The following PRKG1 variants were observed in gnomAD, a reference collection of about 807,000 sequenced individuals.
PRKG1 encodes cGMP-dependent protein kinase 1.
PRKG1 carries 35 observed loss-of-function variants against 88.1 expected under a neutral mutation model. The ratio of observed to expected loss-of-function variants is 0.40; its 90% CI spans 0.30 to 0.53. The LOEUF is 0.53. Ranked by LOEUF, PRKG1 falls within the 20% of genes least tolerant of loss-of-function variation. The pLI is 0.59. For missense variants in PRKG1, 540 were observed against 839.8 expected, an observed-to-expected ratio of 0.64 and a Z score of 4.41; for synonymous variants, 303 against 292.5, an observed-to-expected ratio of 1.04 and a Z score of -0.37.
At chr10:51,735,930 C>CTTTTTT (rs1180307253) in intron 3 of PRKG1, among the ~76,000 whole-genome samples, 21 of 74,966 alleles carry the variant, frequency 2.8e-4, no homozygotes, top group Non-Finnish European at 4.3e-4. Context: ...TTTAAGTTGT[C>CTTTTTT]TTTTTTTTTT....
intron 5 of PRKG1, among the ~76,000 whole-genome samples, chr10:52,010,860 C>A (rs908697839): frequency 1.3e-5 from 2 of 152,114 alleles, no homozygotes; most frequent in Non-Finnish European, 2.9e-5. Context: ...ATGAGTACTC[C>A]AGAAAGAAAA....
chr10:51,297,546 T>TA (rs1238098927), intron 2 of PRKG1, among the ~76,000 whole-genome samples: 1 of 152,118 alleles, frequency 6.6e-6, no homozygotes, highest in East Asian at 1.9e-4. Context: ...TATTAACTTG[T>TA]AAAAATCATA....
chr10:51,342,086 A>C (rs1319091244), intron 2 of PRKG1, among the ~76,000 whole-genome samples: 1 of 152,232 alleles, frequency 6.6e-6, no homozygotes, highest in African/African-American at 2.4e-5. Flanking sequence ...GAGAGAAAGC[A>C]GAGCTGAAGA....
chr10:51,563,050 G>A (rs1390596539), intron 3 of PRKG1, among the ~76,000 whole-genome samples: 1 of 152,096 alleles, frequency 6.6e-6, no homozygotes, highest in Non-Finnish European at 1.5e-5. Context: ...AAAGTATGAG[G>A]ATTATAGGTA....
chr10:52,242,713 ATGG>A (rs1431993625), intron 9 of PRKG1, among the ~76,000 whole-genome samples: 1 of 152,088 alleles, frequency 6.6e-6, no homozygotes, highest in Non-Finnish European at 1.5e-5. Context: ...CCTGGCCAAC[ATGG>A]TGAAACCCTG....
At chr10:51,654,342 G>GTTTACAA (rs1840111911) in intron 3 of PRKG1, among the ~76,000 whole-genome samples, 1 of 152,086 alleles carries the variant, frequency 6.6e-6, no homozygotes, top group African/African-American at 2.4e-5. Context: ...CTGTAAATAT[G>GTTTACAA]TGGATTTAGT....
intron 5 of PRKG1, among the ~76,000 whole-genome samples, chr10:51,938,989 G>T (rs1220753051): frequency 3.3e-5 from 5 of 152,014 alleles, no homozygotes; most frequent in Non-Finnish European, 5.9e-5. Context: ...CCAGCAAGGA[G>T]AATGAATTTT....
intron 2 of PRKG1, among the ~76,000 whole-genome samples, chr10:51,449,243 A>T (rs1262449937): frequency 6.6e-6 from 1 of 151,928 alleles, no homozygotes; most frequent in Non-Finnish European, 1.5e-5. Context: ...TAAAATAAAT[A>T]AAAAATAAAT....
intron 2 of PRKG1, among the ~76,000 whole-genome samples, chr10:51,238,697 G>T (rs1041766291): frequency 3.3e-5 from 5 of 151,670 alleles, no homozygotes; most frequent in Admixed American, 2.6e-4. Context: ...GGAGGACGAG[G>T]TTGCAGTGAG....
At chr10:52,275,674 G>GA (rs1841856143) in intron 12 of PRKG1, among the ~76,000 whole-genome samples, 1 of 152,044 alleles carries the variant, frequency 6.6e-6, no homozygotes, top group African/African-American at 2.4e-5. Context: ...GCTCTTTTAT[G>GA]ATCCCATATG....
At chr10:51,556,813 A>G (rs1033213477) in intron 3 of PRKG1, among the ~76,000 whole-genome samples, 4 of 152,002 alleles carry the variant, frequency 2.6e-5, no homozygotes, top group Non-Finnish European at 4.4e-5. Context: ...TGTAAGCCAA[A>G]CCTCAGTGTC....
intron 4 of PRKG1, among the ~76,000 whole-genome samples, chr10:51,878,212 A>G (rs1034382681): frequency 2.0e-5 from 3 of 148,476 alleles, no homozygotes; most frequent in Admixed American, 6.8e-5. Flanking sequence ...AGCAATATAT[A>G]TGTGTGTGTG....
At chr10:51,975,447 A>T (rs1385905027) in intron 5 of PRKG1, among the ~76,000 whole-genome samples, 1 of 149,684 alleles carries the variant, frequency 6.7e-6, no homozygotes, top group Non-Finnish European at 1.5e-5. Context: ...TGTGGAAAAT[A>T]AAAAAAAAAT....
intron 1 of PRKG1, among the ~76,000 whole-genome samples, chr10:51,019,457 A>G (rs1284812537): frequency 1.3e-5 from 2 of 152,174 alleles, no homozygotes; most frequent in Non-Finnish European, 2.9e-5. Context: ...CAAACAAGGA[A>G]GTTGGGTCCT....
chr10:52,285,677 A>T (rs550862921), intron 14 of PRKG1, among the ~76,000 whole-genome samples: 2 of 152,214 alleles, frequency 1.3e-5, no homozygotes, highest in South Asian at 4.1e-4. Flanking sequence ...AAGTGTTTAG[A>T]TAAACTCTTA....
chr10:51,203,577 C>CT (rs1186372266), intron 2 of PRKG1, among the ~76,000 whole-genome samples: 2 of 152,172 alleles, frequency 1.3e-5, no homozygotes, highest in Admixed American at 1.3e-4. Context: ...AAAGCCTCCC[C>CT]TGTAATACCC....
At chr10:52,152,543 G>C (rs1837962538) in intron 8 of PRKG1, among the ~76,000 whole-genome samples, 1 of 152,076 alleles carries the variant, frequency 6.6e-6, no homozygotes, top group African/African-American at 2.4e-5. Flanking sequence ...AAAAAACCAT[G>C]AAAATCTAGA....
In PRKG1 at chr10:51,350,763, G is replaced by A. The variant is rs571297408; in HGVS notation, c.479-116960G>A. On this transcript the variant is annotated intron_variant, in intron 2 of 17. Transcript: ENST00000373980. ...AGAAATCAACATACAAAAATCAGTA[G>A]CATTTCTTTTTCTTTAATATACTTT... is the stretch of plus-strand genomic sequence containing the variant. Among the ~76,000 whole-genome samples, 255 of 152,246 alleles carry A rather than the reference G, an allele frequency of 1.7e-3. 2 individuals carry two copies. Among genetic ancestry groups the A allele is most frequent in the African/African-American group, 5.9e-3 (244 of 41,556 alleles).
intron 3 of PRKG1, among the ~76,000 whole-genome samples, chr10:51,627,928 T>TCC (rs71029384): frequency 1.0e-3 from 52 of 50,020 alleles, no homozygotes; most frequent in African/African-American, 2.8e-3. Flanking sequence ...TTCCCTTCCT[T>TCC]TCTTCCTTCC....
Sources: gnomAD v4.1 joint callset for allele counts (sites outside exome capture counted in the v4.1 genomes callset) on GRCh38, gnomAD v4.1.1 for gene constraint, MANE v1.5 for transcripts, NCBI Gene and HGNC (gene_info 2026-07-23, HGNC 2026-07-21) for gene names.